The following CLIC5 variants were observed in gnomAD, a reference collection of about 807,000 sequenced individuals.
The protein encoded by CLIC5 is CLIC family member 5, also known as chloride intracellular channel protein 5.
In CLIC5, 20 loss-of-function variants were observed where a neutral mutation model predicts 24.7. The observed-to-expected ratio is 0.81, with a 90% confidence interval of 0.57 to 1.18. The LOEUF (loss-of-function observed/expected upper bound fraction) is 1.18. Ranked by LOEUF, CLIC5 falls within the 50% of genes most tolerant of loss-of-function variation. CLIC5 has a pLI of 0.00. For missense variants in CLIC5, 341 were observed against 326.1 expected, an observed-to-expected ratio of 1.05 and a Z score of -0.35; for synonymous variants, 159 against 135.6, an observed-to-expected ratio of 1.17 and a Z score of -1.20.
chr6:46,113,782 A>C, the CLIC5 span, among the ~76,000 whole-genome samples: 2 of 152,304 alleles, frequency 1.3e-5, no homozygotes, highest in East Asian at 3.9e-4. Context: ...GAGGCCACAG[A>C]GGTTGGCCCC....
downstream of CLIC5, among the ~76,000 whole-genome samples, chr6:45,894,630 T>A (rs1372809703): frequency 2.6e-5 from 4 of 152,222 alleles, no homozygotes; most frequent in Non-Finnish European, 5.9e-5. Context: ...AAGCTAAGTT[T>A]ATCAGATTTA....
At chr6:45,914,479 A>G in intron 4 of CLIC5, 70 bp from the exon 5 acceptor site, 3 of 1,422,272 alleles carry the variant, frequency 2.1e-6, no homozygotes, top group Non-Finnish European at 2.8e-6. Context: ...GGGTCTTCAG[A>G]GTGGAGTAGC....
At position 45,899,431 on chromosome 6, in the gene CLIC5, G is replaced by A. The variant is rs1400656035; in HGVS notation, c.*3657C>T. ...CCCTGGCCAGTGGGAATTGAGGCGA[G>A]TCACAGAAGTACTTACCAAATACTC... On this transcript the variant is annotated 3_prime_UTR_variant, in exon 6 of 6. Coordinates refer to ENST00000339561, the MANE Select transcript of CLIC5 (RefSeq NM_016929.5). 6.6e-6 allele frequency: 1 copy of A among 152,240 alleles called. No homozygotes were observed. The highest frequency in any genetic ancestry group is 1.5e-5 in the Non-Finnish European group (1 of 68,062). The allele number at this position is 152,240 out of a possible 1,614,324, so 9.4% of individuals were successfully genotyped here.
intron 4 of CLIC5, among the ~76,000 whole-genome samples, chr6:45,921,731 G>A (rs1342302537): frequency 2.0e-5 from 3 of 152,154 alleles, no homozygotes; most frequent in African/African-American, 7.2e-5. Context: ...GCTTGCTCTT[G>A]ACTTTCCTAA....
chr6:46,106,329 A>G, the CLIC5 span, among the ~76,000 whole-genome samples: 1 of 152,152 alleles, frequency 6.6e-6, no homozygotes, highest in Non-Finnish European at 1.5e-5. Flanking sequence ...GATGGTCTCA[A>G]TCTCTTGACC....
intron 1 of CLIC5, among the ~76,000 whole-genome samples, chr6:46,005,750 T>C (rs981332872): frequency 2.0e-5 from 3 of 151,898 alleles, no homozygotes; most frequent in Non-Finnish European, 4.4e-5. Context: ...AGTGTTCTCA[T>C]GAGGGGCTGA....
intron 1 of CLIC5, among the ~76,000 whole-genome samples, chr6:46,075,958 A>G (rs1456797496): frequency 1.3e-5 from 2 of 152,164 alleles, no homozygotes; most frequent in African/African-American, 4.8e-5. Context: ...TTTCCCTTCA[A>G]AACAATCCCA....
intron 2 of CLIC5, among the ~76,000 whole-genome samples, chr6:45,954,364 G>A (rs1003707495): frequency 6.6e-6 from 1 of 151,604 alleles, no homozygotes; most frequent in Non-Finnish European, 1.5e-5. Context: ...ACAAATTGAT[G>A]TATGCAATGT....
rs146739562 is a variant in CLIC5 at position 45,976,405 on chromosome 6, A to T, written c.64-21161T>A. Among the ~76,000 whole-genome samples the T allele has an allele frequency of 3.7e-3, 564 of 152,260 alleles. 9 individuals are homozygous for T. Among genetic ancestry groups the T allele is most frequent in the Admixed American group, 0.029 (444 of 15,294 alleles). On this transcript the variant is annotated intron_variant, in intron 1 of 5. Coordinates refer to ENST00000339561, the MANE Select transcript of CLIC5 (RefSeq NM_016929.5). ...TCCCAGCTTGCCTAGGACTGGGGGA[A>T]TTCCAGGACTTTCAGGATTTAAAAC...
intron 3 of CLIC5, among the ~76,000 whole-genome samples, chr6:45,942,636 C>A (rs1274496329): frequency 1.3e-5 from 2 of 152,202 alleles, no homozygotes; most frequent in Non-Finnish European, 2.9e-5. Context: ...GTTTAAAAAG[C>A]AAAATCCTTT....
chr6:45,954,515 C>G (rs1764579026), intron 2 of CLIC5, among the ~76,000 whole-genome samples: 1 of 152,144 alleles, frequency 6.6e-6, no homozygotes, highest in African/African-American at 2.4e-5. Context: ...AAGATGAACA[C>G]TTATGGGGTG....
intron 1 of CLIC5, among the ~76,000 whole-genome samples, chr6:46,029,968 C>A (rs554108141): frequency 6.6e-6 from 1 of 152,176 alleles, no homozygotes; most frequent in African/African-American, 2.4e-5. Context: ...ATGAAGTTAC[C>A]CTGGGAGTTA....
At chr6:45,920,590 A>G (rs923445649) in intron 4 of CLIC5, 29 of 660,936 alleles carry the variant, frequency 4.4e-5, no homozygotes, top group Non-Finnish European at 5.1e-5. Flanking sequence ...TGATAGTTTA[A>G]AACGTGAATG....
chr6:45,973,791 G>C (rs547559368), intron 1 of CLIC5, among the ~76,000 whole-genome samples: 3 of 152,102 alleles, frequency 2.0e-5, no homozygotes, highest in Admixed American at 1.3e-4. Flanking sequence ...TTAGCTGGGG[G>C]TGGTGGCACA....
At chr6:45,991,559 G>T (rs1765943646) in intron 1 of CLIC5, among the ~76,000 whole-genome samples, 1 of 152,178 alleles carries the variant, frequency 6.6e-6, no homozygotes, top group Non-Finnish European at 1.5e-5. Flanking sequence ...GATAAGAAAG[G>T]TATTTGTTTT....
chr6:46,087,331 C>A, the CLIC5 span, among the ~76,000 whole-genome samples: 1 of 152,186 alleles, frequency 6.6e-6, no homozygotes, highest in Non-Finnish European at 1.5e-5. Context: ...CTGAAACCAT[C>A]TTGTTTGATA....
intron 6 of CLIC5, among the ~76,000 whole-genome samples, chr6:45,891,941 A>G (rs1428520358): frequency 6.6e-6 from 1 of 152,250 alleles, no homozygotes; most frequent in East Asian, 1.9e-4. Flanking sequence ...GTACTTATAC[A>G]GAAGTGTCTC....
intron 1 of CLIC5, among the ~76,000 whole-genome samples, chr6:45,999,809 A>G (rs1233857965): frequency 1.2e-4 from 3 of 25,994 alleles, no homozygotes; most frequent in Non-Finnish European, 2.0e-4. Flanking sequence ...GCAGTGGCGC[A>G]ATCTCGGCTC....
At chr6:45,958,995 C>T (rs1764761994) in intron 1 of CLIC5, among the ~76,000 whole-genome samples, 1 of 152,104 alleles carries the variant, frequency 6.6e-6, no homozygotes, top group African/African-American at 2.4e-5. Flanking sequence ...ATACTACATA[C>T]ATACATACAT....
Sources: gnomAD v4.1 joint callset for allele counts (sites outside exome capture counted in the v4.1 genomes callset) on GRCh38, gnomAD v4.1.1 for gene constraint, MANE v1.5 for transcripts, NCBI Gene and HGNC (gene_info 2026-07-23, HGNC 2026-07-21) for gene names.